Variants in PIP5K1B observed in about 807,000 individuals in gnomAD.
The protein encoded by PIP5K1B is phosphatidylinositol 4-phosphate 5-kinase type-1 beta.
PIP5K1B carries 42 observed loss-of-function variants against 67.0 expected under a neutral mutation model. The observed-to-expected ratio is 0.63, with a 90% CI of 0.49 to 0.81. The LOEUF is 0.81. Among genes scored for constraint, PIP5K1B ranks in the 30% least tolerant of loss-of-function variants. The pLI is 0.00. For missense variants in PIP5K1B, 459 were observed against 646.3 expected, an observed-to-expected ratio of 0.71 and a Z score of 3.14; for synonymous variants, 214 against 231.4, an observed-to-expected ratio of 0.92 and a Z score of 0.68.
intron 9 of PIP5K1B, 84 bp downstream of exon 9, chr9:68,917,843 A>G: frequency 2.1e-6 from 2 of 964,256 alleles, no homozygotes; most frequent in Non-Finnish European, 1.6e-6. Flanking sequence ...CATTCACCTT[A>G]GGGTGGGACT....
At chr9:68,728,024 A>C (rs531628296) in intron 1 of PIP5K1B, among the ~76,000 whole-genome samples, 1 of 152,200 alleles carries the variant, frequency 6.6e-6, no homozygotes, top group Non-Finnish European at 1.5e-5. Context: ...GCATTATTTG[A>C]TACAAGATGC....
intron 12 of PIP5K1B, among the ~76,000 whole-genome samples, chr9:68,927,633 A>G (rs1173902424): frequency 6.6e-6 from 1 of 152,072 alleles, no homozygotes; most frequent in Non-Finnish European, 1.5e-5. Context: ...TTGAGTTGTA[A>G]GAGTTCTTTG....
intron 14 of PIP5K1B, among the ~76,000 whole-genome samples, chr9:68,973,974 C>T (rs1458590523): frequency 1.3e-5 from 2 of 152,168 alleles, no homozygotes; most frequent in Admixed American, 6.5e-5. Context: ...ACCTCCCGGG[C>T]TCAAGCGATC....
In PIP5K1B at chr9:68,978,679, CAG is replaced by C. The variant is rs1374730236; in HGVS notation, c.1503-12459_1503-12458del. ...ATTGGTAGTTTTGTAGGGAGAAAAG[CAG>C]ATACTGTTTATTATGCTGACAGTTC... On this transcript the variant is annotated intron_variant, in intron 14 of 15. Transcript: ENST00000265382. Among the ~76,000 whole-genome samples, 107 of 152,274 alleles carry C rather than the reference CAG, an allele frequency of 7.0e-4. 1 individual carries two copies. Among genetic ancestry groups the C allele is most frequent in the African/African-American group, 2.5e-3 (105 of 41,552 alleles).
intron 15 of PIP5K1B, among the ~76,000 whole-genome samples, chr9:69,002,114 G>A (rs918503965): frequency 2.0e-5 from 3 of 152,282 alleles, no homozygotes; most frequent in East Asian, 3.9e-4. Context: ...CCGGCAGGAG[G>A]CCTGGCACTC....
chr9:68,946,994 C>T (rs911254811), intron 14 of PIP5K1B, among the ~76,000 whole-genome samples: 1 of 152,064 alleles, frequency 6.6e-6, no homozygotes, highest in African/African-American at 2.4e-5. Flanking sequence ...CATAGTAAGC[C>T]CCATAAAACA....
At chr9:68,994,389 TTAAA>T (rs1363420221) in intron 15 of PIP5K1B, among the ~76,000 whole-genome samples, 1 of 152,192 alleles carries the variant, frequency 6.6e-6, no homozygotes, top group Non-Finnish European at 1.5e-5. Flanking sequence ...CTATTATATG[TTAAA>T]TAATGTTTTT....
rs774073176 is a variant in PIP5K1B, at chr9:68,784,157, C to T, written c.-85-34304C>T. Reference sequence around the variant, plus strand: ...GTTCTAAGGGCATGTGGACAATTTACGTTATCATAGTATTGTTCATAACGT... The same window carrying T: ...GTTCTAAGGGCATGTGGACAATTTATGTTATCATAGTATTGTTCATAACGT... On this transcript the variant is annotated intron_variant, in intron 2 of 15. Transcript: ENST00000265382. 26 of 167,098 alleles carry T rather than the reference C, an allele frequency of 1.6e-4. 1 individual carries two copies. Among genetic ancestry groups the T allele is most frequent in the Admixed American group, 9.8e-4 (15 of 15,290 alleles). 10.4% of individuals were successfully genotyped at this position (167,098 alleles called of 1,614,324 possible).
At chr9:68,764,764 G>A (rs1380491610) in intron 2 of PIP5K1B, among the ~76,000 whole-genome samples, 3 of 151,954 alleles carry the variant, frequency 2.0e-5, no homozygotes, top group Non-Finnish European at 4.4e-5. Context: ...AGCTTTCCTC[G>A]TCCTCACCTT....
In PIP5K1B at chr9:68,961,288, TG is replaced by T. The variant is rs1828734365; in HGVS notation, c.1502+20502del. On this transcript the variant is annotated intron_variant, in intron 14 of 15. Coordinates refer to ENST00000265382, the MANE Select transcript of PIP5K1B (RefSeq NM_003558.4). The stretch of plus-strand genomic sequence containing the variant: ...AAGTAAGTTAGCAGTTACCTAGTGC[TG>T]GGGATTTTGGGGAAATGGAGTAACT... Among the ~76,000 whole-genome samples the T allele has an allele frequency of 2.0e-5, 3 of 151,792 alleles. No homozygotes were observed. In the South Asian group the frequency reaches 6.2e-4, roughly 32 times the overall value.
intron 1 of PIP5K1B, among the ~76,000 whole-genome samples, chr9:68,732,284 T>C (rs1828478889): frequency 6.6e-6 from 1 of 152,230 alleles, no homozygotes; most frequent in Non-Finnish European, 1.5e-5. Context: ...TATTTTTCAA[T>C]AAACAAAATG....
intron 6 of PIP5K1B, among the ~76,000 whole-genome samples, chr9:68,879,522 C>T (rs147423625): frequency 4.6e-5 from 7 of 152,054 alleles, no homozygotes; most frequent in East Asian, 1.9e-4. Context: ...GAGCCAAGTT[C>T]GGACCTCTGT....
intron 14 of PIP5K1B, among the ~76,000 whole-genome samples, chr9:68,976,738 T>C (rs1450846515): frequency 6.6e-6 from 1 of 152,212 alleles, no homozygotes; most frequent in Non-Finnish European, 1.5e-5. Context: ...ATCCCTCTCA[T>C]GAGCAGTTCA....
Position 68,767,391 on chromosome 9 carries a change from C to T in PIP5K1B, c.-86+24734C>T, listed in dbSNP as rs572121091. Reference sequence around the variant, plus strand: ...GGTGGATCACTTAAGGTCAGGAGTTCGAGACCAGCCTGACCAACATGGTGA... The same window carrying T: ...GGTGGATCACTTAAGGTCAGGAGTTTGAGACCAGCCTGACCAACATGGTGA... On this transcript the variant is annotated intron_variant, in intron 2 of 15. Coordinates refer to ENST00000265382, the MANE Select transcript of PIP5K1B (RefSeq NM_003558.4). Among the ~76,000 whole-genome samples the T allele has an allele frequency of 5.9e-5, 9 of 152,012 alleles. No individual in the cohort carries two copies. In the South Asian group the frequency reaches 1.7e-3, roughly 28 times the overall value.
At chr9:68,870,000 A>G (rs1823553718) in intron 5 of PIP5K1B, among the ~76,000 whole-genome samples, 1 of 152,174 alleles carries the variant, frequency 6.6e-6, no homozygotes, top group South Asian at 2.1e-4. Flanking sequence ...CTTCAAATCA[A>G]AACTCTTTAT....
intron 15 of PIP5K1B, among the ~76,000 whole-genome samples, chr9:69,001,352 C>G (rs559798712): frequency 9.2e-5 from 14 of 152,110 alleles, no homozygotes; most frequent in South Asian, 6.2e-4. Context: ...TTCCTCCCCC[C>G]ACATTTTTCA....
At chr9:68,786,758 G>A (rs973772888) in intron 2 of PIP5K1B, among the ~76,000 whole-genome samples, 79 of 151,956 alleles carry the variant, frequency 5.2e-4, no homozygotes, top group Non-Finnish European at 8.2e-4. Flanking sequence ...GTTTTAGAAC[G>A]AAAAGGGACT....
intron 2 of PIP5K1B, among the ~76,000 whole-genome samples, chr9:68,744,322 G>A (rs559517890): frequency 2.4e-4 from 36 of 152,230 alleles, no homozygotes; most frequent in African/African-American, 7.2e-4. Context: ...GGGAGGCCAC[G>A]AAAAAACAAC....
At chr9:68,879,399 C>G (rs1224825944) in intron 6 of PIP5K1B, among the ~76,000 whole-genome samples, 1 of 152,068 alleles carries the variant, frequency 6.6e-6, no homozygotes, top group African/African-American at 2.4e-5. Context: ...GAAACCCCGT[C>G]TCTACTAAAA....
Sources: gnomAD v4.1 joint callset for allele counts (sites outside exome capture counted in the v4.1 genomes callset) on GRCh38, gnomAD v4.1.1 for gene constraint, MANE v1.5 for transcripts, NCBI Gene and HGNC (gene_info 2026-07-23, HGNC 2026-07-21) for gene names.